F13A1: variants seen among roughly 807,000 people sequenced by gnomAD.
F13A1 encodes coagulation factor XIII A chain, also known as FSF, A subunit.
In F13A1, 47 loss-of-function variants were observed where a neutral mutation model predicts 80.1. The ratio of observed to expected loss-of-function variants is 0.59; its 90% CI spans 0.46 to 0.75. The LOEUF is 0.75. Ranked by LOEUF, F13A1 falls within the 30% of genes least tolerant of loss-of-function variation. F13A1 has a pLI of 0.00. For synonymous variants in F13A1, 349 were observed against 344.9 expected (o/e 1.01, Z -0.13); for missense variants, 817 against 930.4 (o/e 0.88, Z 1.59).
intron 3 of F13A1, among the ~76,000 whole-genome samples, chr6:6,303,808 T>C (rs971421724): frequency 1.3e-5 from 2 of 152,220 alleles, no homozygotes; most frequent in South Asian, 2.1e-4. Flanking sequence ...CAGGTTTTAG[T>C]CCTACATTTT....
At chr6:6,199,546 G>A (rs1761355641) in intron 8 of F13A1, among the ~76,000 whole-genome samples, 1 of 151,938 alleles carries the variant, frequency 6.6e-6, no homozygotes, top group Admixed American at 6.6e-5. Flanking sequence ...TTACAGGGGA[G>A]GAAGCTGAAA....
intron 12 of F13A1, among the ~76,000 whole-genome samples, chr6:6,173,401 A>AT (rs1429249993): frequency 3.8e-5 from 3 of 78,696 alleles, no homozygotes; most frequent in Non-Finnish European, 6.9e-5. Flanking sequence ...TCCAGCCTCC[A>AT]TTCTTTTCTT....
intron 4 of F13A1, among the ~76,000 whole-genome samples, chr6:6,255,131 G>A (rs1397831051): frequency 2.6e-5 from 4 of 152,118 alleles, no homozygotes; most frequent in Non-Finnish European, 4.4e-5. Flanking sequence ...CCCTATGGAG[G>A]CGGGGGTAAC....
At chr6:6,311,841 T>G (rs1758605837) in intron 2 of F13A1, among the ~76,000 whole-genome samples, 2 of 11,434 alleles carry the variant, frequency 1.7e-4, no homozygotes, top group African/African-American at 1.7e-3. Flanking sequence ...AAACTATATA[T>G]TTGTTTATAT....
At chr6:6,257,863 T>C (rs1757723509) in intron 4 of F13A1, among the ~76,000 whole-genome samples, 1 of 152,216 alleles carries the variant, frequency 6.6e-6, no homozygotes, top group Non-Finnish European at 1.5e-5. Flanking sequence ...GATAGACTAT[T>C]ATTCATGAAG....
intron 6 of F13A1, among the ~76,000 whole-genome samples, chr6:6,238,167 G>T (rs1276386089): frequency 1.3e-5 from 2 of 152,166 alleles, no homozygotes; most frequent in Admixed American, 1.3e-4. Flanking sequence ...TACTCATGTA[G>T]ACATTTGATT....
chr6:6,190,114 T>A (rs1761159066), intron 10 of F13A1, among the ~76,000 whole-genome samples: 1 of 152,032 alleles, frequency 6.6e-6, no homozygotes, highest in Admixed American at 6.5e-5. Context: ...TTATTCTAGT[T>A]ATACATTCTT....
chr6:6,303,229 A>T (rs577613398), intron 3 of F13A1, among the ~76,000 whole-genome samples: 1 of 152,316 alleles, frequency 6.6e-6, no homozygotes, highest in East Asian at 1.9e-4. Flanking sequence ...ATTTCTTTGT[A>T]TGATTTCCTT....
intron 13 of F13A1, among the ~76,000 whole-genome samples, chr6:6,157,235 C>T (rs1036645906): frequency 6.6e-6 from 1 of 152,076 alleles, no homozygotes; most frequent in Non-Finnish European, 1.5e-5. Flanking sequence ...CTCTACAGCC[C>T]TATGGTCTTG....
intron 6 of F13A1, among the ~76,000 whole-genome samples, chr6:6,238,047 C>A (rs878950618): frequency 6.6e-6 from 1 of 151,998 alleles, no homozygotes; most frequent in Admixed American, 6.6e-5. Flanking sequence ...GAATGACTAC[C>A]TGATTTGAAG....
chr6:6,209,744 A>C (rs1417301880), intron 8 of F13A1, among the ~76,000 whole-genome samples: 2 of 152,250 alleles, frequency 1.3e-5, no homozygotes, highest in Non-Finnish European at 1.5e-5. Flanking sequence ...GAAGCCAGAC[A>C]CAAAAGGTCA....
intron 8 of F13A1, among the ~76,000 whole-genome samples, chr6:6,205,221 G>C (rs895424386): frequency 6.6e-6 from 1 of 152,212 alleles, no homozygotes; most frequent in Non-Finnish European, 1.5e-5. Context: ...GTCTGATATA[G>C]CACAAGAGAC....
chr6:6,314,062 A>G (rs1214704156), intron 2 of F13A1, among the ~76,000 whole-genome samples: 1 of 146,654 alleles, frequency 6.8e-6, no homozygotes, highest in African/African-American at 2.6e-5. Flanking sequence ...GCTCACTGCA[A>G]CCTCCACCTC....
intron 6 of F13A1, among the ~76,000 whole-genome samples, chr6:6,235,035 A>T (rs1203966776): frequency 2.6e-5 from 4 of 152,036 alleles, no homozygotes; most frequent in African/African-American, 4.8e-5. Flanking sequence ...AATTTTATGG[A>T]TAAAGGATAA....
intron 4 of F13A1, among the ~76,000 whole-genome samples, chr6:6,261,145 GT>G (rs1289205337): frequency 6.6e-6 from 1 of 151,790 alleles, no homozygotes; most frequent in East Asian, 1.9e-4. Context: ...ATTTTTGTAT[GT>G]TTAGTAGAGA....
At chr6:6,268,564 G>A (rs971947342) in intron 3 of F13A1, among the ~76,000 whole-genome samples, 1 of 152,032 alleles carries the variant, frequency 6.6e-6, no homozygotes, top group African/African-American at 2.4e-5. Flanking sequence ...TCACTTACTT[G>A]TCTTAGCTTC....
At chr6:6,212,289 T>A (rs528321802) in intron 8 of F13A1, among the ~76,000 whole-genome samples, 61 of 152,340 alleles carry the variant, frequency 4.0e-4, no homozygotes, top group African/African-American at 1.1e-3. Flanking sequence ...GTCTGACAGC[T>A]TTGAAGAGAG....
At chr6:6,170,680 G>C (rs1387904062) in intron 12 of F13A1, among the ~76,000 whole-genome samples, 1 of 152,104 alleles carries the variant, frequency 6.6e-6, no homozygotes, top group Non-Finnish European at 1.5e-5. Context: ...AGAGGTTTAA[G>C]TTATTCAGAT....
rs2151066614 is a variant in F13A1, at chr6:6,145,735, C to T, written c.2083G>A (p.Val695Met). ...TGCCCAGAGACCCAGGGCCGGCACA[C>T]TTCTTCCCACTGCACGGTGGAGTTG... ...RPNSTVQWEE[V>M]CRPWVSGHRK... Residue 695 changes from valine to methionine, a missense_variant, in exon 15 of 15, where the codon GTG becomes ATG. By Grantham distance (21) the Val-to-Met change is conservative. Transcript: ENST00000264870. 1.9e-6 allele frequency: 3 copies of T among 1,614,138 alleles called. No individual in the cohort carries two copies. The highest frequency in any genetic ancestry group is 2.5e-6 in the Non-Finnish European group (3 of 1,180,026).
Sources: gnomAD v4.1 joint callset for allele counts (sites outside exome capture counted in the v4.1 genomes callset) on GRCh38, gnomAD v4.1.1 for gene constraint, MANE v1.5 for transcripts, NCBI Gene and HGNC (gene_info 2026-07-23, HGNC 2026-07-21) for gene names.